GATA4: variants seen among roughly 807,000 people sequenced by gnomAD.
GATA4 encodes transcription factor GATA-4.
Under a neutral mutation model 37.9 loss-of-function variants are expected in GATA4, and 7 were observed. The ratio of observed to expected loss-of-function variants is 0.18; its 90% CI spans 0.11 to 0.35. The LOEUF is 0.35. Among genes scored for constraint, GATA4 ranks in the 10% least tolerant of loss-of-function variants. GATA4 has a pLI of 1.00. For missense variants in GATA4, 647 were observed against 653.0 expected, an observed-to-expected ratio of 0.99 and a Z score of 0.10; for synonymous variants, 372 against 292.6, an observed-to-expected ratio of 1.27 and a Z score of -2.77.
Position 11,692,729 on chromosome 8 carries a change from C to T in GATA4, c.-729+69C>T, listed in dbSNP as rs1386986694. On this transcript the variant is annotated intron_variant, in intron 1 of 2. Coordinates refer to the GATA4 transcript ENST00000526974. ...TCGGGAGGCTGGGAGGGAGAGCAGG[C>T]GCCGGGACCCACGCGAGGGCGCGGA... 3 of 984,216 alleles carry T rather than the reference C, an allele frequency of 3.0e-6. No individual in the cohort carries two copies. In the South Asian group the frequency reaches 1.4e-4, roughly 46 times the overall value. The allele number at this position is 984,216 out of a possible 1,614,324, so 61.0% of individuals were successfully genotyped here. A position where few individuals can be genotyped will look rare whatever the true frequency, so the allele number is the denominator to read the frequency against.
chr8:11,686,084 G>A (rs1315113433), intron 1 of GATA4, among the ~76,000 whole-genome samples: 2 of 152,178 alleles, frequency 1.3e-5, no homozygotes, highest in Non-Finnish European at 1.5e-5. Context: ...AGAGAAACAA[G>A]TAGCAGATGC....
At chr8:11,687,092 T>C (rs996671691) in intron 1 of GATA4, among the ~76,000 whole-genome samples, 1 of 152,120 alleles carries the variant, frequency 6.6e-6, no homozygotes, top group African/African-American at 2.4e-5. Context: ...ATCTGTGTTC[T>C]TGATGTGCAG....
intron 4 of GATA4, among the ~76,000 whole-genome samples, chr8:11,752,438 G>A (rs976317367): frequency 1.3e-5 from 2 of 152,172 alleles, no homozygotes; most frequent in Admixed American, 1.3e-4. Flanking sequence ...GAGAATGAGA[G>A]CCAAGCAAAA....
chr8:11,736,734 A>T (rs748874646), intron 2 of GATA4, among the ~76,000 whole-genome samples: 1 of 151,854 alleles, frequency 6.6e-6, no homozygotes, highest in East Asian at 1.9e-4. Context: ...TCTGCAGCTT[A>T]AAAAAAAAGT....
In GATA4 at chr8:11,737,914, C is replaced by T. The variant is rs549489447; in HGVS notation, c.617-11002C>T. 9.9e-5 allele frequency among the ~76,000 whole-genome samples: 15 copies of T among 152,214 alleles called. No homozygotes were observed. The South Asian group carries it at 2.5e-3, about 25-fold the overall frequency. On this transcript the variant is annotated intron_variant, in intron 2 of 6. Transcript: ENST00000532059. ...AATAATCATAGGACAGCTATGGTGG[C>T]GCACGCCTGTAATCCCAGTGCTTTG... is the stretch of plus-strand genomic sequence containing the variant.
intron 1 of GATA4, among the ~76,000 whole-genome samples, chr8:11,679,786 A>T (rs4368939): frequency 0.66 from 100,732 of 152,046 alleles, 33,972 homozygotes; most frequent in Middle Eastern, 0.75. Context: ...AGGGAGATGG[A>T]GACCCCCGAA....
chr8:11,752,567 G>T (rs554956269), intron 4 of GATA4, among the ~76,000 whole-genome samples: 1 of 152,354 alleles, frequency 6.6e-6, no homozygotes, highest in South Asian at 2.1e-4. Flanking sequence ...CCCACAACAT[G>T]TGGGAATTAT....
At chr8:11,697,955 G>A in intron 1 of GATA4, 9 of 985,480 alleles carry the variant, frequency 9.1e-6, no homozygotes, top group Non-Finnish European at 9.6e-6. Context: ...GGGCCTGGCG[G>A]CGCTCCAGCC....
chr8:11,750,893 G>C (rs190873727), intron 4 of GATA4, among the ~76,000 whole-genome samples: 1 of 151,872 alleles, frequency 6.6e-6, no homozygotes, highest in Non-Finnish European at 1.5e-5. Flanking sequence ...GCTGCAGTGA[G>C]CTCTGATTGT....
chr8:11,690,817 A>C (rs1004683018), upstream of GATA4, among the ~76,000 whole-genome samples: 3 of 152,232 alleles, frequency 2.0e-5, no homozygotes, highest in African/African-American at 7.2e-5. Flanking sequence ...GCTCTAGTGA[A>C]CTATGATTGC....
At chr8:11,695,256 A>T (rs1337584616) in intron 1 of GATA4, among the ~76,000 whole-genome samples, 1 of 152,050 alleles carries the variant, frequency 6.6e-6, no homozygotes, top group African/African-American at 2.4e-5. Flanking sequence ...AAATACAAAA[A>T]TTAGCCGGGC....
chr8:11,718,298 GC>G (rs1800523915), intron 2 of GATA4, among the ~76,000 whole-genome samples: 1 of 152,226 alleles, frequency 6.6e-6, no homozygotes, highest in African/African-American at 2.4e-5. Context: ...TCAGAATTGA[GC>G]CACGATATTC....
Position 11,749,474 on chromosome 8 carries a change from C to G in GATA4, c.786+389C>G, listed in dbSNP as rs929316651. On this transcript the variant is annotated intron_variant, in intron 3 of 6. Coordinates refer to ENST00000532059, the MANE Select transcript of GATA4 (RefSeq NM_001308093.3). This position sits in a 1 kb window ranked among gnomAD's most constrained non-coding sequence, Gnocchi z 4.6. The stretch of plus-strand genomic sequence containing the variant: ...GGAAGGTCACCTCAGAGGCTGGTCT[C>G]TACCCTGACCTCAGTTGATCAGTTG... Among the ~76,000 whole-genome samples the G allele has an allele frequency of 6.6e-6, 1 of 152,200 alleles. No homozygotes were observed. The highest frequency in any genetic ancestry group is 2.4e-5 in the African/African-American group (1 of 41,446).
At chr8:11,750,459 T>C (rs1347539230) in intron 4 of GATA4, among the ~76,000 whole-genome samples, 1 of 152,210 alleles carries the variant, frequency 6.6e-6, no homozygotes, top group Non-Finnish European at 1.5e-5. Context: ...TATGTAGCAG[T>C]TTGATGTGTA....
chr8:11,730,781 T>C (rs1801166442), intron 2 of GATA4, among the ~76,000 whole-genome samples: 3 of 152,320 alleles, frequency 2.0e-5, no homozygotes, highest in Middle Eastern at 3.4e-3. Flanking sequence ...GTAATGTCCA[T>C]GGGCAGGAGA....
intron 2 of GATA4, among the ~76,000 whole-genome samples, chr8:11,735,471 A>G (rs1037421527): frequency 2.0e-5 from 3 of 152,278 alleles, no homozygotes; most frequent in African/African-American, 7.2e-5. Context: ...AGTGGAAGAT[A>G]TCTGGAAAAA....
At chr8:11,750,272 T>C in intron 4 of GATA4, 36 bp downstream of exon 4, 1 of 1,609,260 alleles carries the variant, frequency 6.2e-7, no homozygotes, top group Non-Finnish European at 8.5e-7. Flanking sequence ...CATCCTTGCC[T>C]TCTGATGCCC....
At chr8:11,748,745 G>A (rs958353455) in intron 2 of GATA4, among the ~76,000 whole-genome samples, 171 bp from the exon 3 acceptor site, 2 of 152,168 alleles carry the variant, frequency 1.3e-5, no homozygotes, top group African/African-American at 4.8e-5. Flanking sequence ...CTGGGATTAG[G>A]GAGCAGGGGC....
intron 2 of GATA4, among the ~76,000 whole-genome samples, chr8:11,748,566 A>G (rs981033006): frequency 1.1e-4 from 16 of 152,332 alleles, no homozygotes; most frequent in African/African-American, 3.9e-4. Flanking sequence ...TGAAAGGGAA[A>G]AAGAGAGAGC....
Sources: gnomAD v4.1 joint callset for allele counts (sites outside exome capture counted in the v4.1 genomes callset) on GRCh38, gnomAD v4.1.1 for gene constraint, Gnocchi (gnomAD v3.1) non-coding constraint, MANE v1.5 for transcripts, NCBI Gene and HGNC (gene_info 2026-07-23, HGNC 2026-07-21) for gene names.